Variants in CDH12 observed in about 807,000 individuals in gnomAD.
CDH12 encodes the protein cadherin 12.
Under a neutral mutation model 74.1 loss-of-function variants are expected in CDH12, and 41 were observed. The observed-to-expected ratio is 0.55, with a 90% confidence interval of 0.43 to 0.72. The LOEUF is 0.72. Ranked by LOEUF, CDH12 falls within the 30% of genes least tolerant of loss-of-function variation. The pLI is 0.00. For synonymous variants in CDH12, 399 were observed against 355.0 expected (o/e 1.12, Z -1.39); for missense variants, 945 against 977.2 (o/e 0.97, Z 0.44).
intron 1 of CDH12, among the ~76,000 whole-genome samples, chr5:22,623,177 A>G (rs1455673450): frequency 1.3e-5 from 2 of 152,206 alleles, no homozygotes; most frequent in Non-Finnish European, 2.9e-5. Flanking sequence ...TCTCAAAACA[A>G]TAAGAGCTAT....
chr5:22,697,488 C>T lies in CDH12; in HGVS notation c.-523+155570G>A, dbSNP rs544429322. Among the ~76,000 whole-genome samples, 330 of 147,250 alleles carry T rather than the reference C, an allele frequency of 2.2e-3. 1 individual carries two copies. The highest frequency in any genetic ancestry group is 7.6e-3 in the African/African-American group (303 of 39,682). ...TCGGGAGGCTGAGACGGGAGAATGG[C>T]GTGAACCCGGGAGGCGGAGCTTGCA... On this transcript the variant is annotated intron_variant, in intron 1 of 14. Transcript: ENST00000382254.
At chr5:22,302,778 T>C (rs1001406659) in intron 3 of CDH12, among the ~76,000 whole-genome samples, 4 of 152,114 alleles carry the variant, frequency 2.6e-5, no homozygotes, top group African/African-American at 9.7e-5. Flanking sequence ...TGTTTATTGT[T>C]TGAAAGAGAA....
intron 1 of CDH12, among the ~76,000 whole-genome samples, chr5:22,570,848 C>T (rs1305970451): frequency 6.6e-6 from 1 of 152,152 alleles, no homozygotes; most frequent in East Asian, 1.9e-4. Flanking sequence ...ACTGTTTCAT[C>T]TACCTTAAAA....
chr5:22,495,329 T>G (rs1317222422), intron 2 of CDH12, among the ~76,000 whole-genome samples: 1 of 152,216 alleles, frequency 6.6e-6, no homozygotes, highest in Admixed American at 6.5e-5. Context: ...ATTGAGAATT[T>G]TTGAACATTG....
At chr5:22,789,876 A>T (rs1472743084) in intron 1 of CDH12, among the ~76,000 whole-genome samples, 2 of 151,872 alleles carry the variant, frequency 1.3e-5, no homozygotes, top group African/African-American at 4.8e-5. Flanking sequence ...ATTAAATATA[A>T]AACAGTTTTC....
At chr5:22,350,459 CAGTA>C (rs1740312652) in intron 3 of CDH12, among the ~76,000 whole-genome samples, 1 of 152,100 alleles carries the variant, frequency 6.6e-6, no homozygotes, top group South Asian at 2.1e-4. Flanking sequence ...TGAAGGAAAC[CAGTA>C]AGTGTTACTC....
intron 3 of CDH12, among the ~76,000 whole-genome samples, chr5:22,391,459 GT>G (rs1742244280): frequency 6.6e-6 from 1 of 152,088 alleles, no homozygotes; most frequent in South Asian, 2.1e-4. Context: ...TTTTTTTAAT[GT>G]TGAGGCCATA....
At chr5:22,060,250 T>G (rs1741095426) in intron 5 of CDH12, among the ~76,000 whole-genome samples, 1 of 145,222 alleles carries the variant, frequency 6.9e-6, no homozygotes, top group African/African-American at 2.6e-5. Context: ...TTCTCACTCA[T>G]AAGTGGGAGA....
intron 8 of CDH12, among the ~76,000 whole-genome samples, chr5:21,826,839 CTA>C (rs1748701220): frequency 6.6e-6 from 1 of 152,086 alleles, no homozygotes; most frequent in Admixed American, 6.6e-5. Flanking sequence ...CACATCAAGA[CTA>C]TGAGATACCT....
At chr5:21,996,390 A>G (rs1461282634) in intron 5 of CDH12, among the ~76,000 whole-genome samples, 4 of 152,216 alleles carry the variant, frequency 2.6e-5, no homozygotes, top group Non-Finnish European at 5.9e-5. Flanking sequence ...AATGGTCTTC[A>G]TGCATGGCTT....
At chr5:22,724,961 G>T (rs1369999866) in intron 1 of CDH12, among the ~76,000 whole-genome samples, 2 of 151,800 alleles carry the variant, frequency 1.3e-5, no homozygotes, top group African/African-American at 4.8e-5. Flanking sequence ...AGAACACTCA[G>T]AACACCACGT....
intron 4 of CDH12, among the ~76,000 whole-genome samples, chr5:22,132,820 A>G (rs1193582486): frequency 6.6e-6 from 1 of 152,012 alleles, no homozygotes; most frequent in East Asian, 1.9e-4. Context: ...TGTCTATGCA[A>G]CTCGGGTCCA....
intron 6 of CDH12, among the ~76,000 whole-genome samples, chr5:21,864,610 A>G (rs1751230979): frequency 6.6e-6 from 1 of 152,192 alleles, no homozygotes; most frequent in Admixed American, 6.5e-5. Flanking sequence ...CAGGAGCACA[A>G]AACAGACTAA....
chr5:22,153,658 C>A, intron 4 of CDH12, among the ~76,000 whole-genome samples: 1 of 149,808 alleles, frequency 6.7e-6, no homozygotes, highest in Non-Finnish European at 1.5e-5. Context: ...TTTTAAAGAC[C>A]AAATGAGAAA....
intron 1 of CDH12, among the ~76,000 whole-genome samples, chr5:22,725,298 A>T (rs1052697845): frequency 6.6e-6 from 1 of 151,942 alleles, no homozygotes; most frequent in African/African-American, 2.4e-5. Flanking sequence ...TTATGATAGT[A>T]GCTATTGATA....
chr5:22,382,567 T>G (rs1741815850), intron 3 of CDH12, among the ~76,000 whole-genome samples: 2 of 151,958 alleles, frequency 1.3e-5, no homozygotes, highest in African/African-American at 2.4e-5. Context: ...CTTCAAGATT[T>G]TATTAATGAT....
At chr5:22,815,820 A>G (rs1289452366) in intron 1 of CDH12, among the ~76,000 whole-genome samples, 1 of 151,446 alleles carries the variant, frequency 6.6e-6, no homozygotes, top group Non-Finnish European at 1.5e-5. Context: ...ACATGAAAAC[A>G]TACTACCGGT....
At chr5:22,394,335 C>T (rs1742365564) in intron 3 of CDH12, among the ~76,000 whole-genome samples, 1 of 152,108 alleles carries the variant, frequency 6.6e-6, no homozygotes, top group Admixed American at 6.6e-5. Context: ...AGCAGACATA[C>T]TGCTAGCTTG....
At chr5:22,224,628 T>A (rs1752132572) in intron 3 of CDH12, among the ~76,000 whole-genome samples, 1 of 152,044 alleles carries the variant, frequency 6.6e-6, no homozygotes, top group African/African-American at 2.4e-5. Context: ...TTGTGAGTCA[T>A]ATAAAAACAG....
Sources: gnomAD v4.1 joint callset for allele counts (sites outside exome capture counted in the v4.1 genomes callset) on GRCh38, gnomAD v4.1.1 for gene constraint, MANE v1.5 for transcripts, NCBI Gene and HGNC (gene_info 2026-07-23, HGNC 2026-07-21) for gene names.